Variants in NPRL3 observed in about 807,000 individuals in gnomAD.
NPRL3 encodes the protein NPR3 like, GATOR1 complex subunit.
In NPRL3, 23 loss-of-function variants were observed where a neutral mutation model predicts 57.2. That is an observed-to-expected ratio of 0.40 (90% CI 0.29 to 0.57). The LOEUF (loss-of-function observed/expected upper bound fraction) is 0.57. Ranked by LOEUF, NPRL3 falls within the 20% of genes least tolerant of loss-of-function variation. The pLI, the probability that NPRL3 is intolerant of heterozygous loss-of-function variation, is 0.42. For missense variants in NPRL3, 691 were observed against 767.1 expected (o/e 0.90, Z 1.17); for synonymous variants, 333 against 321.1 (o/e 1.04, Z -0.39).
Position 92,608 on chromosome 16 carries a change from G to C in NPRL3, c.1149C>G (p.Pro383=), listed in dbSNP as rs577949063. The change falls in exon 11 of 14, where the codon CCC becomes CCG. Residue 383 remains proline, a synonymous_variant. Coordinates refer to ENST00000611875, the MANE Select transcript of NPRL3 (RefSeq NM_001077350.3). ...TTCTGTGACTCACCTCCTGCACAGC[G>C]GGGGCCAGGGGATTCCTAAATTCTG... ...SLSEFRNPLA[P]AVQETQLIQM... The C allele has an allele frequency of 3.1e-6, 5 of 1,612,970 alleles. No individual in the cohort carries two copies. The highest frequency in any genetic ancestry group is 3.4e-6 in the Non-Finnish European group (4 of 1,179,566).
chr16:109,809 T>C (rs141855457), intron 7 of NPRL3, among the ~76,000 whole-genome samples: 2,799 of 152,320 alleles, frequency 0.018, 47 homozygotes, highest in Non-Finnish European at 0.025. Context: ...TTTATTGTGA[T>C]GCACTGATGC....
At chr16:92,039 G>A (rs937151542) in intron 11 of NPRL3, among the ~76,000 whole-genome samples, 2 of 152,170 alleles carry the variant, frequency 1.3e-5, no homozygotes, top group Admixed American at 1.3e-4. Context: ...CAACCTGCCT[G>A]CCCGTTGCCC....
chr16:99,959 C>CAAAAAAAAAAAAAAAAAAAAAAA (rs11304941), intron 8 of NPRL3, among the ~76,000 whole-genome samples: 29 of 60,882 alleles, frequency 4.8e-4, no homozygotes, highest in South Asian at 1.5e-3. Flanking sequence ...CACACCCCCG[C>CAAAAAAAAAAAAAAAAAAAAAAA]AAAAAAAAAA....
intron 9 of NPRL3, 72 bp from the exon 10 acceptor site, chr16:93,397 C>G: frequency 1.0e-6 from 1 of 997,328 alleles, no homozygotes; most frequent in Non-Finnish European, 1.6e-6. Flanking sequence ...CAGCTCTCAG[C>G]CTGGGTGGCC....
At chr16:132,697 T>G (rs1900867645) in intron 2 of NPRL3, among the ~76,000 whole-genome samples, 1 of 145,572 alleles carries the variant, frequency 6.9e-6, no homozygotes, top group Non-Finnish European at 1.5e-5. Context: ...TGAGACGGAG[T>G]CTCGCTCTGT....
intron 3 of NPRL3, among the ~76,000 whole-genome samples, chr16:130,173 G>C (rs1314980094): frequency 6.6e-6 from 1 of 152,172 alleles, no homozygotes; most frequent in Non-Finnish European, 1.5e-5. Flanking sequence ...TGACCTCTGG[G>C]TACATGCTCA....
In NPRL3 at chr16:93,338, G is replaced by A; in HGVS notation, c.925-13C>T. On this transcript the variant is annotated splice_polypyrimidine_tract_variant and intron_variant, in intron 9 of 13. Coordinates refer to ENST00000611875, the MANE Select transcript of NPRL3 (RefSeq NM_001077350.3). ...CAAGCTGGAAAACCTGCAGGCAAAA[G>A]GGAAGCTGCAAGGACCATGCCTGAG... The A allele has an allele frequency of 6.5e-7, 1 of 1,528,368 alleles. No individual in the cohort carries two copies. Among genetic ancestry groups the A allele is most frequent in the South Asian group, 1.2e-5 (1 of 83,550 alleles). 94.7% of individuals were successfully genotyped at this position (1,528,368 alleles called of 1,614,324 possible).
chr16:118,294 G>C (rs1900135007), intron 4 of NPRL3, among the ~76,000 whole-genome samples: 1 of 152,200 alleles, frequency 6.6e-6, no homozygotes, highest in African/African-American at 2.4e-5. Context: ...TGACTGGCAG[G>C]CTCTGGTGTA....
chr16:95,342 T>C (rs866468332), intron 9 of NPRL3, among the ~76,000 whole-genome samples: 796 of 55,552 alleles, frequency 0.014, 5 homozygotes, highest in Non-Finnish European at 0.03. Context: ...TATATATATA[T>C]ATATATATAC....
intron 3 of NPRL3, among the ~76,000 whole-genome samples, chr16:126,781 C>T (rs1255450275): frequency 6.6e-6 from 1 of 152,194 alleles, no homozygotes; most frequent in African/African-American, 2.4e-5. Context: ...CTTAGAGACA[C>T]TGGACAATAT....
chr16:118,332 T>G (rs1208589713), intron 4 of NPRL3, among the ~76,000 whole-genome samples: 1 of 152,226 alleles, frequency 6.6e-6, no homozygotes, highest in Non-Finnish European at 1.5e-5. Context: ...GCTAACAAGA[T>G]GAGTTCCTCA....
chr16:91,796 CA>C (rs1898774146), intron 11 of NPRL3, among the ~76,000 whole-genome samples: 1 of 152,232 alleles, frequency 6.6e-6, no homozygotes, highest in East Asian at 1.9e-4. Context: ...CTTCTGGAGA[CA>C]AAGACTTGAG....
intron 9 of NPRL3, among the ~76,000 whole-genome samples, chr16:94,866 T>C (rs952102958): frequency 7.2e-5 from 11 of 152,156 alleles, no homozygotes; most frequent in Non-Finnish European, 1.5e-4. Context: ...CTCCACCTCC[T>C]GCCTCTCCCT....
At chr16:93,615 A>G (rs185680874) in intron 9 of NPRL3, among the ~76,000 whole-genome samples, 2 of 140,392 alleles carry the variant, frequency 1.4e-5, no homozygotes, top group East Asian at 4.2e-4. Flanking sequence ...CCCAGGCTGG[A>G]GTGCAGTGGC....
chr16:138,082 T>TGGAATGAGGCGACCCC (rs1288086235), intron 2 of NPRL3, 68 bp downstream of exon 2: 3 of 1,257,182 alleles, frequency 2.4e-6, no homozygotes, highest in East Asian at 2.5e-5. Context: ...GAGGCGGCCC[T>TGGAATGAGGCGACCCC]GGAATGAGGC....
chr16:92,566 C>A, intron 11 of NPRL3, 30 bp downstream of exon 11: 1 of 1,609,406 alleles, frequency 6.2e-7, no homozygotes, highest in Non-Finnish European at 8.5e-7. Context: ...ACACCTGCCA[C>A]TCTGGGCTCC....
chr16:123,392 T>C (rs1900363002), intron 3 of NPRL3: 1 of 449,728 alleles, frequency 2.2e-6, no homozygotes, highest in South Asian at 1.6e-5. Flanking sequence ...TCCACGCCTG[T>C]GTGCCTCATC....
chr16:87,382 C>T (rs552033150), intron 13 of NPRL3, among the ~76,000 whole-genome samples: 4 of 151,906 alleles, frequency 2.6e-5, no homozygotes, highest in Non-Finnish European at 5.9e-5. Flanking sequence ...TACAGGAGTG[C>T]GCTACCACAC....
At chr16:94,333 C>T (rs1468215374) in intron 9 of NPRL3, among the ~76,000 whole-genome samples, 1 of 152,240 alleles carries the variant, frequency 6.6e-6, no homozygotes, top group Non-Finnish European at 1.5e-5. Context: ...GCACTTCTGC[C>T]TCTGCATCAG....
Sources: allele counts gnomAD v4.1 joint callset (sites outside exome capture counted in the v4.1 genomes callset), GRCh38; gene constraint gnomAD v4.1.1; transcripts MANE v1.5; gene names NCBI Gene and HGNC (gene_info 2026-07-23, HGNC 2026-07-21).